The following MAPK10 variants were observed in gnomAD, a reference collection of about 807,000 sequenced individuals.
The protein encoded by MAPK10 is mitogen-activated protein kinase 10.
A neutral mutation model predicts 59.3 loss-of-function variants in MAPK10; 25 were observed. The observed-to-expected ratio is 0.42, with a 90% CI of 0.31 to 0.59. The LOEUF is 0.59. Among genes scored for constraint, MAPK10 ranks in the 20% least tolerant of loss-of-function variants. The pLI is 0.15. For synonymous variants in MAPK10, 190 were observed against 200.5 expected, an observed-to-expected ratio of 0.95 and a Z score of 0.44; for missense variants, 351 against 568.9, an observed-to-expected ratio of 0.62 and a Z score of 3.90.
intron 2 of MAPK10, among the ~76,000 whole-genome samples, chr4:86,294,782 C>T (rs530256694): frequency 1.3e-4 from 20 of 152,190 alleles, no homozygotes; most frequent in South Asian, 6.2e-4. Context: ...GGGCAGAATA[C>T]GAGAAAGGAG....
At chr4:86,516,826 G>A (rs1756701812) in intron 1 of MAPK10, among the ~76,000 whole-genome samples, 1 of 152,100 alleles carries the variant, frequency 6.6e-6, no homozygotes, top group Admixed American at 6.6e-5. Context: ...GGTCTTTAGG[G>A]TTTTCTAGCT....
At chr4:86,306,600 G>A (rs758339082) in intron 2 of MAPK10, among the ~76,000 whole-genome samples, 12 of 152,152 alleles carry the variant, frequency 7.9e-5, no homozygotes, top group Non-Finnish European at 1.6e-4. Context: ...AGTAATTACA[G>A]TGTAGTGTGC....
At chr4:86,134,337 T>A (rs2061512881) in intron 4 of MAPK10, among the ~76,000 whole-genome samples, 1 of 152,230 alleles carries the variant, frequency 6.6e-6, no homozygotes, top group South Asian at 2.1e-4. Context: ...AACTACATTA[T>A]ATATTTATAG....
At chr4:86,331,703 T>C (rs1272285339) in intron 2 of MAPK10, among the ~76,000 whole-genome samples, 3 of 152,136 alleles carry the variant, frequency 2.0e-5, no homozygotes, top group Admixed American at 2.0e-4. Flanking sequence ...CGCTATGAAT[T>C]TTCTCAAGCA....
chr4:86,114,108 C>T (rs1338492557), intron 4 of MAPK10, among the ~76,000 whole-genome samples: 2 of 152,156 alleles, frequency 1.3e-5, no homozygotes, highest in East Asian at 3.9e-4. Context: ...TAGTTAACAG[C>T]TCCTGTAATG....
At chr4:86,136,582 GC>G (rs1359315376) in intron 4 of MAPK10, among the ~76,000 whole-genome samples, 6 of 121,152 alleles carry the variant, frequency 5.0e-5, no homozygotes, top group Non-Finnish European at 1.1e-4. Context: ...GCAAAATCAT[GC>G]CAAAATGTAA....
chr4:86,096,446 T>G (rs1208412940), intron 9 of MAPK10, among the ~76,000 whole-genome samples: 1 of 151,900 alleles, frequency 6.6e-6, no homozygotes, highest in Non-Finnish European at 1.5e-5. Context: ...ATTGTCAAAA[T>G]AGAAGAAAAG....
intron 1 of MAPK10, among the ~76,000 whole-genome samples, chr4:86,564,607 C>T (rs992341284): frequency 2.0e-5 from 3 of 152,190 alleles, no homozygotes; most frequent in African/African-American, 7.2e-5. Flanking sequence ...GAATCCAATT[C>T]TTGCACTCTC....
At chr4:86,527,420 C>T (rs1451780286) in intron 1 of MAPK10, among the ~76,000 whole-genome samples, 1 of 149,560 alleles carries the variant, frequency 6.7e-6, no homozygotes, top group African/African-American at 2.4e-5. Context: ...TGCTCCACAC[C>T]ATTAATCATC....
intron 1 of MAPK10, among the ~76,000 whole-genome samples, chr4:86,357,368 T>A (rs1735037730): frequency 6.6e-6 from 1 of 152,150 alleles, no homozygotes; most frequent in South Asian, 2.1e-4. Flanking sequence ...AAGAAACAGA[T>A]TCATTTACAT....
chr4:86,480,910 A>G (rs1753557671), intron 1 of MAPK10, among the ~76,000 whole-genome samples: 1 of 152,268 alleles, frequency 6.6e-6, no homozygotes, highest in Non-Finnish European at 1.5e-5. Context: ...CCAGCGATGT[A>G]GAAATATGAT....
In MAPK10 at chr4:86,253,462, A is replaced by G. The variant is rs1456184130; in HGVS notation, c.-6-59055T>C. 1.7e-5 allele frequency among the ~76,000 whole-genome samples: 2 copies of G among 114,902 alleles called. 1 individual carries two copies. Among genetic ancestry groups the G allele is most frequent in the African/African-American group, 1.1e-4 (2 of 18,648 alleles). The allele number at this position is 114,902 out of a possible 152,430, so 75.4% of individuals were successfully genotyped here. Reference sequence around the variant, plus strand: ...GGTTTTTGTCTTTGGCTCTGTTTATATGCTGGATTACATTTATTGATTTGC... The same window carrying G: ...GGTTTTTGTCTTTGGCTCTGTTTATGTGCTGGATTACATTTATTGATTTGC... On this transcript the variant is annotated intron_variant, in intron 2 of 13. Transcript: ENST00000641462.
intron 2 of MAPK10, among the ~76,000 whole-genome samples, chr4:86,206,659 C>T (rs1468571615): frequency 6.6e-6 from 1 of 152,186 alleles, no homozygotes; most frequent in Non-Finnish European, 1.5e-5. Flanking sequence ...TACAGTCCCA[C>T]CAACAGTGTA....
chr4:86,579,427 C>T (rs1331466649), intron 1 of MAPK10, among the ~76,000 whole-genome samples: 1 of 152,000 alleles, frequency 6.6e-6, no homozygotes, highest in East Asian at 1.9e-4. Flanking sequence ...TTACCTCATT[C>T]TTCCCAGTTC....
chr4:86,365,346 C>T (rs1285001111), intron 1 of MAPK10, among the ~76,000 whole-genome samples: 1 of 142,064 alleles, frequency 7.0e-6, no homozygotes, highest in Non-Finnish European at 1.5e-5. Flanking sequence ...GCAGGAGAAT[C>T]GCTTGAACCC....
chr4:86,270,794 G>T (rs1169997183), intron 2 of MAPK10, among the ~76,000 whole-genome samples: 1 of 151,986 alleles, frequency 6.6e-6, no homozygotes, highest in East Asian at 1.9e-4. Context: ...TTTTGTGCCT[G>T]GCTGATTTTT....
intron 3 of MAPK10, among the ~76,000 whole-genome samples, chr4:86,162,562 G>T (rs1180810200): frequency 6.6e-6 from 1 of 151,974 alleles, no homozygotes. Context: ...TTTTTACCAG[G>T]TATTTACGCA....
At chr4:86,073,372 G>GT (rs1172245395) in intron 9 of MAPK10, among the ~76,000 whole-genome samples, 4 of 151,638 alleles carry the variant, frequency 2.6e-5, no homozygotes, top group Non-Finnish European at 2.9e-5. Context: ...CTTTTGAAGG[G>GT]TTTTTTGTGT....
chr4:86,474,897 A>G (rs1752945410), intron 1 of MAPK10, among the ~76,000 whole-genome samples: 1 of 152,202 alleles, frequency 6.6e-6, no homozygotes, highest in Admixed American at 6.5e-5. Context: ...TCCTGCCTTA[A>G]CTGATGACAT....
Sources: allele counts gnomAD v4.1 joint callset (sites outside exome capture counted in the v4.1 genomes callset), GRCh38; gene constraint gnomAD v4.1.1; transcripts MANE v1.5; gene names NCBI Gene and HGNC (gene_info 2026-07-23, HGNC 2026-07-21).